The following EPS15L1 variants were observed in gnomAD, a reference collection of about 807,000 sequenced individuals.
EPS15L1 encodes the protein epidermal growth factor receptor substrate 15-like 1.
A neutral mutation model predicts 117.1 loss-of-function variants in EPS15L1; 43 were observed. That is an observed-to-expected ratio of 0.37 (90% confidence interval 0.29 to 0.47). The LOEUF is 0.47. Ranked by LOEUF, EPS15L1 falls within the 20% of genes least tolerant of loss-of-function variation. The pLI, the probability that EPS15L1 is intolerant of heterozygous loss-of-function variation, is 0.99. For missense variants in EPS15L1, 981 were observed against 1,164.0 expected, an observed-to-expected ratio of 0.84 and a Z score of 2.29; for synonymous variants, 459 against 470.5, an observed-to-expected ratio of 0.98 and a Z score of 0.32.
intron 1 of EPS15L1, among the ~76,000 whole-genome samples, chr19:16,460,864 C>T (rs922358598): frequency 1.3e-5 from 2 of 152,230 alleles, no homozygotes; most frequent in Admixed American, 6.5e-5. Flanking sequence ...CATAACCGTA[C>T]AGTCCTGGTT....
chr19:16,451,942 G>C (rs1181110889), intron 1 of EPS15L1, among the ~76,000 whole-genome samples: 1 of 150,794 alleles, frequency 6.6e-6, no homozygotes, highest in African/African-American at 2.4e-5. Flanking sequence ...TTCAAGACCA[G>C]CCTGGCCAAC....
chr19:16,360,451 G>A (rs1438068879), intron 23 of EPS15L1, among the ~76,000 whole-genome samples: 1 of 152,006 alleles, frequency 6.6e-6, no homozygotes, highest in African/African-American at 2.4e-5. Context: ...AACAGGTCAG[G>A]GTCTTGGGCG....
At chr19:16,376,021 G>A (rs1314511187) in intron 22 of EPS15L1, among the ~76,000 whole-genome samples, 1 of 152,248 alleles carries the variant, frequency 6.6e-6, no homozygotes, top group Admixed American at 6.5e-5. Context: ...GGGCTGCAAA[G>A]TGAGGCCAGT....
intron 22 of EPS15L1, among the ~76,000 whole-genome samples, chr19:16,373,471 A>G (rs1390048241): frequency 6.7e-6 from 1 of 149,666 alleles, no homozygotes; most frequent in African/African-American, 2.5e-5. Flanking sequence ...AAAACGTTGG[A>G]CTTTATGCTT....
At chr19:16,427,590 T>C (rs1014810460) in intron 8 of EPS15L1, among the ~76,000 whole-genome samples, 1 of 152,066 alleles carries the variant, frequency 6.6e-6, no homozygotes, top group African/African-American at 2.4e-5. Context: ...AGACAAACAC[T>C]TAAAAAATGA....
chr19:16,435,466 A>C (rs1217646390), intron 6 of EPS15L1, among the ~76,000 whole-genome samples: 1 of 152,172 alleles, frequency 6.6e-6, no homozygotes, highest in Non-Finnish European at 1.5e-5. Context: ...ACATTCCTGA[A>C]CTGTACACTT....
intron 12 of EPS15L1, among the ~76,000 whole-genome samples, chr19:16,415,359 C>CCCT (rs1315743951): frequency 6.6e-6 from 1 of 152,162 alleles, no homozygotes; most frequent in Non-Finnish European, 1.5e-5. Flanking sequence ...TGGACTAAGA[C>CCCT]CCTCCTCTTG....
At chr19:16,419,600 C>T (rs1042253579) in intron 10 of EPS15L1, among the ~76,000 whole-genome samples, 6 of 152,206 alleles carry the variant, frequency 3.9e-5, no homozygotes, top group African/African-American at 1.2e-4. Context: ...TCCCACCTCC[C>T]GTGTAGCTGC....
rs976799348 is a variant in EPS15L1 at position 16,381,776 on chromosome 19, C to G, written c.2247+3353G>C. 6.6e-6 allele frequency among the ~76,000 whole-genome samples: 1 copy of G among 152,192 alleles called. No homozygotes were observed. The highest frequency in any genetic ancestry group is 1.5e-5 in the Non-Finnish European group (1 of 68,026). ...AAAGAATGGGGGAAAAACACTGGCC[C>G]GTCTGTGGGTGCTTCTGCGATTCAT... On this transcript the variant is annotated intron_variant, in intron 21 of 23. Transcript: ENST00000455140. This position sits in a 1 kb window ranked among gnomAD's most constrained non-coding sequence, Gnocchi z 4.2.
intron 1 of EPS15L1, among the ~76,000 whole-genome samples, chr19:16,448,236 A>C (rs753108852): frequency 3.9e-5 from 6 of 152,182 alleles, no homozygotes; most frequent in African/African-American, 7.2e-5. Flanking sequence ...TGCACTGTGA[A>C]AGAGCCATGT....
rs569685643 is a variant in EPS15L1, at chr19:16,376,955, T to C, written c.2380+167A>G. Among the ~76,000 whole-genome samples, 55 of 152,294 alleles carry C rather than the reference T, an allele frequency of 3.6e-4. No individual in the cohort carries two copies. The South Asian group carries it at 3.9e-3, about 11-fold the overall frequency. ...AGGCAGGAGGCACACACCACGCACA[T>C]ACGGCACTTGCGTGGACCTGGGCAG... On this transcript the variant is annotated intron_variant, in intron 22 of 23. Coordinates refer to ENST00000455140, the MANE Select transcript of EPS15L1 (RefSeq NM_001258374.3).
intron 1 of EPS15L1, among the ~76,000 whole-genome samples, chr19:16,468,422 T>G (rs1254685660): frequency 1.3e-5 from 2 of 152,144 alleles, no homozygotes; most frequent in East Asian, 3.9e-4. Context: ...CTCAGCTCAC[T>G]GCAACCTCCG....
At chr19:16,385,012 G>A in intron 21 of EPS15L1, 117 bp downstream of exon 21, 1 of 814,230 alleles carries the variant, frequency 1.2e-6, no homozygotes, top group Middle Eastern at 3.5e-4. Context: ...ACCTTGTGTT[G>A]GAAAGGTGCC....
At chr19:16,460,288 A>C (rs982585527) in intron 1 of EPS15L1, among the ~76,000 whole-genome samples, 1 of 152,132 alleles carries the variant, frequency 6.6e-6, no homozygotes, top group African/African-American at 2.4e-5. Context: ...TAAAAATAAA[A>C]AAAGAACAGT....
chr19:16,382,113 C>A (rs927955443), intron 21 of EPS15L1, among the ~76,000 whole-genome samples: 1 of 152,242 alleles, frequency 6.6e-6, no homozygotes, highest in African/African-American at 2.4e-5. Context: ...ACCGGGGACA[C>A]CTCGGGCCAA....
At chr19:16,457,818 A>C (rs2093211514) in intron 1 of EPS15L1, among the ~76,000 whole-genome samples, 1 of 151,872 alleles carries the variant, frequency 6.6e-6, no homozygotes, top group Admixed American at 6.6e-5. Context: ...CCTCTGACCC[A>C]TGAGCGGTCT....
chr19:16,418,234 G>C, intron 10 of EPS15L1, 130 bp from the exon 11 acceptor site: 1 of 978,620 alleles, frequency 1.0e-6, no homozygotes, highest in Non-Finnish European at 1.5e-6. Flanking sequence ...GCAAGCCCCA[G>C]CTCCTTCCCT....
intron 21 of EPS15L1, among the ~76,000 whole-genome samples, chr19:16,382,336 CA>C (rs1269606290): frequency 6.6e-6 from 1 of 152,198 alleles, no homozygotes; most frequent in Admixed American, 6.5e-5. Flanking sequence ...CCTACTCGGG[CA>C]GCGGCTTCAA....
intron 19 of EPS15L1, among the ~76,000 whole-genome samples, chr19:16,388,191 C>T (rs1320412390): frequency 6.6e-6 from 1 of 152,096 alleles, no homozygotes; most frequent in African/African-American, 2.4e-5. Flanking sequence ...TACAAGTGTG[C>T]ACCACCACGC....
Sources: allele counts gnomAD v4.1 joint callset (sites outside exome capture counted in the v4.1 genomes callset), GRCh38; gene constraint gnomAD v4.1.1; non-coding constraint Gnocchi (gnomAD v3.1); transcripts MANE v1.5; gene names NCBI Gene and HGNC (gene_info 2026-07-23, HGNC 2026-07-21).